The following AGBL4 variants were observed in gnomAD, a reference collection of about 807,000 sequenced individuals.
The protein encoded by AGBL4 is cytosolic carboxypeptidase 6.
Under a neutral mutation model 66.4 loss-of-function variants are expected in AGBL4, and 58 were observed. The ratio of observed to expected loss-of-function variants is 0.87; its 90% CI spans 0.71 to 1.09. AGBL4 has a LOEUF of 1.09. Among genes scored for constraint, AGBL4 ranks in the 50% least tolerant of loss-of-function variants. The pLI is 0.00. For missense variants in AGBL4, 579 were observed against 631.0 expected (o/e 0.92, Z 0.88); for synonymous variants, 234 against 222.9 (o/e 1.05, Z -0.44).
chr1:49,104,432 C>T (rs541096351), intron 4 of AGBL4, among the ~76,000 whole-genome samples: 10 of 152,036 alleles, frequency 6.6e-5, no homozygotes, highest in South Asian at 2.1e-4. Flanking sequence ...ATTAGAAAAG[C>T]GGACAAAAGC....
chr1:49,108,915 G>T (rs1168506693), intron 4 of AGBL4, among the ~76,000 whole-genome samples: 1 of 152,144 alleles, frequency 6.6e-6, no homozygotes, highest in South Asian at 2.1e-4. Flanking sequence ...CCTCAGTTCT[G>T]CCATGAACTC....
intron 3 of AGBL4, among the ~76,000 whole-genome samples, chr1:49,479,481 G>A (rs1472874707): frequency 6.6e-6 from 1 of 151,448 alleles, no homozygotes; most frequent in African/African-American, 2.4e-5. Flanking sequence ...GATAGGCCCC[G>A]GTGTGTATTG....
chr1:49,276,795 C>T (rs1644176631), intron 3 of AGBL4, among the ~76,000 whole-genome samples: 1 of 152,164 alleles, frequency 6.6e-6, no homozygotes, highest in Non-Finnish European at 1.5e-5. Context: ...TTCCTAAAAC[C>T]TCAAGGTGGT....
chr1:49,053,475 T>C (rs1012619143), intron 4 of AGBL4, among the ~76,000 whole-genome samples: 1 of 152,158 alleles, frequency 6.6e-6, no homozygotes, highest in African/African-American at 2.4e-5. Flanking sequence ...AATTGTGCTG[T>C]GGCCCATGTT....
chr1:48,622,061 C>G (rs576277746), intron 9 of AGBL4, among the ~76,000 whole-genome samples: 2 of 152,158 alleles, frequency 1.3e-5, no homozygotes, highest in African/African-American at 4.8e-5. Flanking sequence ...CCACAGGGCT[C>G]TCTATGAATC....
chr1:48,587,885 G>A (rs111783109), intron 10 of AGBL4, among the ~76,000 whole-genome samples: 21,626 of 151,588 alleles, frequency 0.14, 1,650 homozygotes, highest in South Asian at 0.19. Context: ...CTCGTGATCC[G>A]CCTGCCTCAG....
intron 6 of AGBL4, among the ~76,000 whole-genome samples, chr1:48,706,017 T>C (rs1449726884): frequency 6.6e-6 from 1 of 152,300 alleles, no homozygotes; most frequent in East Asian, 1.9e-4. Flanking sequence ...CAGACATTCC[T>C]ACTTAGGCAA....
chr1:49,888,991 A>G (rs2148162322), intron 1 of AGBL4, among the ~76,000 whole-genome samples: 1 of 152,356 alleles, frequency 6.6e-6, no homozygotes, highest in Admixed American at 6.5e-5. Context: ...AGTTGAGAAG[A>G]TTCAATCAAT....
At chr1:49,268,257 C>T (rs1643969447) in intron 3 of AGBL4, 1 of 152,074 alleles carries the variant, frequency 6.6e-6, no homozygotes, top group South Asian at 2.1e-4. Context: ...GATGAAATAA[C>T]AGGTATATAC....
chr1:49,821,946 A>G (rs1049233563), intron 2 of AGBL4, among the ~76,000 whole-genome samples: 1 of 152,222 alleles, frequency 6.6e-6, no homozygotes, highest in Non-Finnish European at 1.5e-5. Flanking sequence ...CAAATACAGA[A>G]AGAAAATCTC....
In AGBL4 at chr1:49,935,458, G is replaced by C. The variant is rs556229100; in HGVS notation, c.35-83940C>G. Among the ~76,000 whole-genome samples, 75 of 152,320 alleles carry C rather than the reference G, an allele frequency of 4.9e-4. No homozygotes were observed. The South Asian group carries it at 5.0e-3, about 10-fold the overall frequency. On this transcript the variant is annotated intron_variant, in intron 1 of 13. Transcript: ENST00000371839. ...AACCTCTGCAGACTTAAATGTCCCT[G>C]TCTGACAGCTTTGAAGAGAGCAGTG... is the stretch of plus-strand genomic sequence containing the variant.
Position 48,704,942 on chromosome 1 carries a change from C to T in AGBL4, c.635-41701G>A, listed in dbSNP as rs377304003. The stretch of plus-strand genomic sequence containing the variant: ...ATGTGCTGTACTTTTATATGACCGG[C>T]AGCACAGTAGCTCTATTTACACCAG... On this transcript the variant is annotated intron_variant, in intron 6 of 13. Transcript: ENST00000371839. Among the ~76,000 whole-genome samples the T allele has an allele frequency of 1.3e-3, 195 of 152,296 alleles. 1 individual carries two copies. The highest frequency in any genetic ancestry group is 4.0e-3 in the African/African-American group (167 of 41,562).
intron 3 of AGBL4, among the ~76,000 whole-genome samples, chr1:49,667,165 T>C (rs1466449223): frequency 1.3e-5 from 2 of 152,090 alleles, no homozygotes; most frequent in Non-Finnish European, 2.9e-5. Context: ...TGTCTACATA[T>C]ATTAATATGT....
intron 1 of AGBL4, among the ~76,000 whole-genome samples, chr1:49,926,001 GACTGT>G: frequency 6.6e-6 from 1 of 152,324 alleles, no homozygotes. Flanking sequence ...GCCACCTGCT[GACTGT>G]ACAGCCCCCA....
At chr1:48,862,776 A>G (rs1289903634) in intron 6 of AGBL4, among the ~76,000 whole-genome samples, 1 of 152,214 alleles carries the variant, frequency 6.6e-6, no homozygotes, top group Non-Finnish European at 1.5e-5. Flanking sequence ...GCTGTTTTGC[A>G]TGCTTTTAAG....
intron 12 of AGBL4, among the ~76,000 whole-genome samples, chr1:48,538,401 C>G (rs1644007856): frequency 6.6e-6 from 1 of 152,132 alleles, no homozygotes; most frequent in African/African-American, 2.4e-5. Context: ...GTTATTATCC[C>G]CATTTATAGG....
intron 3 of AGBL4, among the ~76,000 whole-genome samples, chr1:49,388,070 C>G (rs1644770796): frequency 6.6e-6 from 1 of 152,078 alleles, no homozygotes; most frequent in African/African-American, 2.4e-5. Flanking sequence ...TTGACATTGT[C>G]AGGTACTCAA....
At chr1:48,702,847 A>T (rs948603704) in intron 6 of AGBL4, among the ~76,000 whole-genome samples, 1 of 152,194 alleles carries the variant, frequency 6.6e-6, no homozygotes, top group African/African-American at 2.4e-5. Context: ...TTGACCCTGG[A>T]GTAAAACCAA....
At chr1:49,150,483 G>GT (rs1646306720) in intron 4 of AGBL4, among the ~76,000 whole-genome samples, 1 of 152,150 alleles carries the variant, frequency 6.6e-6, no homozygotes, top group Non-Finnish European at 1.5e-5. Context: ...ATATTGACTT[G>GT]TCTTTAAGAG....
Sources: allele counts gnomAD v4.1 joint callset (sites outside exome capture counted in the v4.1 genomes callset), GRCh38; gene constraint gnomAD v4.1.1; transcripts MANE v1.5; gene names NCBI Gene and HGNC (gene_info 2026-07-23, HGNC 2026-07-21).